The following HKDC1 variants were observed in gnomAD, a reference collection of about 807,000 sequenced individuals.
HKDC1 encodes hexokinase domain containing 1.
HKDC1 carries 66 observed loss-of-function variants against 96.6 expected under a neutral mutation model. The observed-to-expected ratio is 0.68, with a 90% confidence interval of 0.56 to 0.84. The LOEUF (loss-of-function observed/expected upper bound fraction) is 0.84. HKDC1 is among the 40% of genes least tolerant of loss of function. The pLI, the probability that HKDC1 is intolerant of heterozygous loss-of-function variation, is 0.00. For synonymous variants in HKDC1, 466 were observed against 473.1 expected, an observed-to-expected ratio of 0.98 and a Z score of 0.20; for missense variants, 1,211 against 1,208.1, an observed-to-expected ratio of 1.00 and a Z score of -0.04.
At chr10:69,254,135 T>C (rs1438785319) in intron 12 of HKDC1, among the ~76,000 whole-genome samples, 1 of 151,982 alleles carries the variant, frequency 6.6e-6, no homozygotes, top group African/African-American at 2.4e-5. Flanking sequence ...CGAAACCCCA[T>C]CTCTACCAAA....
chr10:69,246,043 G>T, intron 7 of HKDC1, 36 bp from the exon 8 acceptor site: 1 of 1,605,190 alleles, frequency 6.2e-7, no homozygotes, highest in Admixed American at 1.7e-5. Context: ...CTTAATCAAA[G>T]GGGCTGCGTC....
intron 12 of HKDC1, among the ~76,000 whole-genome samples, chr10:69,254,215 G>A (rs1158248928): frequency 6.6e-6 from 1 of 152,174 alleles, no homozygotes; most frequent in African/African-American, 2.4e-5. Context: ...TGAGGCAGGA[G>A]AATCGCTAGA....
rs1247521248 is a variant in HKDC1 at position 69,267,184 on chromosome 10, T to A, written c.*427T>A. The stretch of plus-strand genomic sequence containing the variant: ...GGGGATTGGACCCTGTACTTGTGGA[T>A]GAACATTGGAGAGCAAGAGGAACTC... On this transcript the variant is annotated 3_prime_UTR_variant, in exon 18 of 18. Transcript: ENST00000354624. 3.9e-6 allele frequency: 1 copy of A among 256,064 alleles called. No individual in the cohort carries two copies. Among genetic ancestry groups the A allele is most frequent in the Non-Finnish European group, 7.6e-6 (1 of 131,556 alleles). 15.9% of individuals were successfully genotyped at this position (256,064 alleles called of 1,614,324 possible).
At position 69,237,983 on chromosome 10, in the gene HKDC1, T is replaced by G. The variant is rs560115919; in HGVS notation, c.496-1059T>G. ...TCTTGACTGAGACGACTTGGGCGAT[T>G]CTCTTTTAACTTCCAAGTTCTCTTC... On this transcript the variant is annotated intron_variant, in intron 4 of 17. Transcript: ENST00000354624. Among the ~76,000 whole-genome samples, 10 of 152,352 alleles carry G rather than the reference T, an allele frequency of 6.6e-5. No homozygotes were observed. In the South Asian group the frequency reaches 1.5e-3, roughly 22 times the overall value.
At chr10:69,260,897 A>G (rs1843795385) in intron 15 of HKDC1, among the ~76,000 whole-genome samples, 1 of 152,182 alleles carries the variant, frequency 6.6e-6, no homozygotes, top group Admixed American at 6.5e-5. Context: ...ACCAGGGACT[A>G]AATTTTGCTT....
intron 10 of HKDC1, 83 bp from the exon 11 acceptor site, chr10:69,250,207 T>C: frequency 6.7e-7 from 1 of 1,497,662 alleles, no homozygotes; most frequent in Non-Finnish European, 9.1e-7. Context: ...CTGGGTCCGC[T>C]CTGCTCCGAC....
chr10:69,239,042 G>A lies in HKDC1; in HGVS notation c.496G>A (p.Gly166Ser). The change falls in exon 5 of 18, where the codon GGT becomes AGT. Residue 166 changes from glycine to serine, a missense_variant and splice_region_variant. Gly to Ser is a moderately conservative substitution (Grantham distance 56). Transcript: ENST00000354624. ...AACTGGACCTGAAATCTTCTCCCAG[G>A]GTGTCCTACTTTCGTGGACAAAAAA... ...FPCRQTKLEE[G>S]VLLSWTKKFK... 6.2e-7 allele frequency: 1 copy of A among 1,610,642 alleles called. No individual in the cohort carries two copies. Among genetic ancestry groups the A allele is most frequent in the Admixed American group, 1.7e-5 (1 of 59,840 alleles).
chr10:69,266,828 G>C lies in HKDC1; in HGVS notation c.*71G>C. The C allele has an allele frequency of 1.3e-6, 2 of 1,494,404 alleles. No homozygotes were observed. The highest frequency in any genetic ancestry group is 9.1e-7 in the Non-Finnish European group (1 of 1,102,826). 92.6% of individuals were successfully genotyped at this position (1,494,404 alleles called of 1,614,324 possible). On this transcript the variant is annotated 3_prime_UTR_variant, in exon 18 of 18. Transcript: ENST00000354624. Reference sequence around the variant, plus strand: ...TTTCCTCTGGCAGATCAGTTGGTCAGAGACCAATGGGCACCCTCCTGGCTG... The same window carrying C: ...TTTCCTCTGGCAGATCAGTTGGTCACAGACCAATGGGCACCCTCCTGGCTG...
chr10:69,250,558 T>C lies in HKDC1; in HGVS notation c.1742T>C (p.Ile581Thr). The C allele has an allele frequency of 6.2e-7, 1 of 1,614,102 alleles. No individual in the cohort carries two copies. The highest frequency in any genetic ancestry group is 2.2e-5 in the East Asian group (1 of 44,886). ...EELFDHIVQC[I>T]ADFLDYMGLK... ...CTCTTTGATCACATTGTGCAGTGCATCGCCGACTTCCTGGACTACATGGGC... is the reference window on the plus strand; with the variant it reads ...CTCTTTGATCACATTGTGCAGTGCACCGCCGACTTCCTGGACTACATGGGC... The change falls in exon 12 of 18, where the codon ATC becomes ACC. Residue 581 changes from isoleucine to threonine, a missense_variant. Physicochemically the swap from Ile to Thr is moderately conservative, Grantham distance 89 (BLOSUM62 -1). Transcript: ENST00000354624.
At chr10:69,228,483 A>G (rs969364897) in intron 2 of HKDC1, among the ~76,000 whole-genome samples, 1 of 152,146 alleles carries the variant, frequency 6.6e-6, no homozygotes, top group Non-Finnish European at 1.5e-5. Flanking sequence ...TATTTTGCCT[A>G]CAATGGCCTA....
chr10:69,249,471 A>C (rs1207454490), intron 10 of HKDC1, among the ~76,000 whole-genome samples: 1 of 152,194 alleles, frequency 6.6e-6, no homozygotes. Flanking sequence ...AACTGAGAGC[A>C]GTAAAAGACA....
chr10:69,250,882 T>C (rs10732416), intron 12 of HKDC1, among the ~76,000 whole-genome samples: 151,160 of 152,240 alleles, frequency 0.99, 75,051 homozygotes, highest in Non-Finnish European at 1. Flanking sequence ...TAAAGGGACA[T>C]GTGCATAATA....
chr10:69,261,064 A>G lies in HKDC1; in HGVS notation c.2217-75A>G. On this transcript the variant is annotated intron_variant, in intron 15 of 17. Coordinates refer to ENST00000354624, the MANE Select transcript of HKDC1 (RefSeq NM_025130.4). ...GGATCTTGCTCCATGCGTAGCTCCA[A>G]AGCCTGGCCTTCTCACATCATGTGG... 6.4e-6 allele frequency: 9 copies of G among 1,412,060 alleles called. No homozygotes were observed. In the South Asian group the frequency reaches 1.1e-4, roughly 17 times the overall value. The allele number at this position is 1,412,060 out of a possible 1,614,324, so 87.5% of individuals were successfully genotyped here.
chr10:69,226,175 T>C (rs942503392), intron 1 of HKDC1, among the ~76,000 whole-genome samples: 10 of 152,180 alleles, frequency 6.6e-5, no homozygotes, highest in African/African-American at 2.4e-4. Flanking sequence ...ATGTGACATA[T>C]TACCAACAAG....
At chr10:69,237,153 C>T (rs760458901) in intron 4 of HKDC1, among the ~76,000 whole-genome samples, 1 of 151,968 alleles carries the variant, frequency 6.6e-6, no homozygotes, top group Non-Finnish European at 1.5e-5. Flanking sequence ...AAGGTAGGAG[C>T]GTGAGAATTC....
intron 17 of HKDC1, among the ~76,000 whole-genome samples, chr10:69,266,160 G>A (rs1181880809): frequency 6.6e-6 from 1 of 152,228 alleles, no homozygotes; most frequent in East Asian, 1.9e-4. Flanking sequence ...CGGGGCTCAA[G>A]AAATGTAAGT....
chr10:69,264,319 T>A (rs1843856383), intron 16 of HKDC1, among the ~76,000 whole-genome samples: 1 of 151,842 alleles, frequency 6.6e-6, no homozygotes, highest in Admixed American at 6.6e-5. Flanking sequence ...TTATAATCTA[T>A]TTTTTCACTA....
chr10:69,231,181 T>C (rs1843254814), intron 2 of HKDC1, among the ~76,000 whole-genome samples: 1 of 152,200 alleles, frequency 6.6e-6, no homozygotes, highest in Non-Finnish European at 1.5e-5. Context: ...TCCCGTCCGA[T>C]GGCAGTGCAG....
In HKDC1 at chr10:69,258,824, T is replaced by C; in HGVS notation, c.2081T>C (p.Met694Thr). ...CYMEDMRNIE[M>T]VEGGEGKMCI... ...ATGGAGGACATGAGGAACATCGAGATGGTGGAGGGGGGTGAAGGGAAGATG... is the reference window on the plus strand; with the variant it reads ...ATGGAGGACATGAGGAACATCGAGACGGTGGAGGGGGGTGAAGGGAAGATG... The change falls in exon 15 of 18, where the codon ATG becomes ACG. Residue 694 changes from methionine (M) to threonine (T), a missense_variant. Physicochemically the swap from Met to Thr is moderately conservative, Grantham distance 81 (BLOSUM62 -1). Transcript: ENST00000354624. 4 of 1,613,650 alleles carry C rather than the reference T, an allele frequency of 2.5e-6. No individual in the cohort carries two copies. The highest frequency in any genetic ancestry group is 1.3e-5 in the African/African-American group (1 of 74,890).
Sources: gnomAD v4.1 joint callset for allele counts (sites outside exome capture counted in the v4.1 genomes callset) on GRCh38, gnomAD v4.1.1 for gene constraint, MANE v1.5 for transcripts, NCBI Gene and HGNC (gene_info 2026-07-23, HGNC 2026-07-21) for gene names.